Variants in COL24A1 observed in about 807,000 individuals in gnomAD.
COL24A1 encodes collagen alpha-1(XXIV) chain.
Under a neutral mutation model 253.9 loss-of-function variants are expected in COL24A1, and 224 were observed. The ratio of observed to expected loss-of-function variants is 0.88; its 90% CI spans 0.79 to 0.99. The LOEUF is 0.99. Among genes scored for constraint, COL24A1 ranks in the 50% least tolerant of loss-of-function variants. COL24A1 has a pLI of 0.00. For missense variants in COL24A1, 2,131 were observed against 2,068.5 expected (o/e 1.03, Z -0.59); for synonymous variants, 685 against 673.7 (o/e 1.02, Z -0.26).
At chr1:86,000,166 A>G (rs2101045240) in intron 19 of COL24A1, among the ~76,000 whole-genome samples, 1 of 152,256 alleles carries the variant, frequency 6.6e-6, no homozygotes, top group African/African-American at 2.4e-5. Context: ...TCATTTCTGT[A>G]AACCCTTCCA....
At chr1:86,108,631 A>G (rs1258392721) in intron 5 of COL24A1, among the ~76,000 whole-genome samples, 6 of 143,964 alleles carry the variant, frequency 4.2e-5, no homozygotes, top group African/African-American at 1.5e-4. Context: ...AAAAAAAAAA[A>G]AAAAAAAAAA....
At chr1:85,927,674 G>A (rs1216677809) in intron 24 of COL24A1, among the ~76,000 whole-genome samples, 4 of 56,024 alleles carry the variant, frequency 7.1e-5, no homozygotes, top group African/African-American at 2.9e-4. Flanking sequence ...GCAGACTTAA[G>A]TGTCCCTGTC....
chr1:86,134,101 TA>T (rs1404617954), intron 2 of COL24A1, among the ~76,000 whole-genome samples: 51 of 152,192 alleles, frequency 3.4e-4, no homozygotes, highest in African/African-American at 1.1e-3. Flanking sequence ...TTGAGGAATT[TA>T]TCCATTTCTT....
At position 85,823,564 on chromosome 1, in the gene COL24A1, T is replaced by C; in HGVS notation, c.3761A>G (p.Gln1254Arg). 6.2e-7 allele frequency: 1 copy of C among 1,614,034 alleles called. No individual in the cohort carries two copies. ...AGATCCTCTCTCTCCTTTTAGTCCT[T>C]GTTCACCCTGGTCACCTGGTTCGCC... ...PPGEPGDQGE[Q>R]GLKGERGSEG... is the part of the protein sequence containing the mutation. Residue 1254 changes from glutamine to arginine, a missense_variant, in exon 45 of 60, where the codon CAA becomes CGA. Coordinates refer to ENST00000370571, the MANE Select transcript of COL24A1 (RefSeq NM_152890.7).
chr1:85,863,388 T>G (rs527549355), intron 37 of COL24A1, among the ~76,000 whole-genome samples: 6 of 152,280 alleles, frequency 3.9e-5, no homozygotes, highest in Non-Finnish European at 8.8e-5. Context: ...TATCCTTGTC[T>G]TGTGCCAGTT....
intron 47 of COL24A1, among the ~76,000 whole-genome samples, chr1:85,799,243 G>GAAAGAAAGAAAGAAAGAAAGA (rs1553180021): frequency 1.5e-5 from 2 of 137,234 alleles, no homozygotes; most frequent in Non-Finnish European, 3.3e-5. Flanking sequence ...AAGAAAGAAA[G>GAAAGAAAGAAAGAAAGAAAGA]AAAGAAAAGA....
chr1:85,970,142 G>A (rs1691994519), intron 22 of COL24A1, 85 bp downstream of exon 22: 5 of 1,230,048 alleles, frequency 4.1e-6, no homozygotes, highest in Non-Finnish European at 3.4e-6. Flanking sequence ...TTACTATAAT[G>A]TAAAATGTTA....
At chr1:85,813,686 G>T (rs1672794245) in intron 47 of COL24A1, among the ~76,000 whole-genome samples, 1 of 148,760 alleles carries the variant, frequency 6.7e-6, no homozygotes, top group South Asian at 2.1e-4. Flanking sequence ...AAGTAGCTGG[G>T]ACGACAGGCG....
At chr1:85,999,843 G>T (rs953493409) in intron 19 of COL24A1, among the ~76,000 whole-genome samples, 1 of 152,016 alleles carries the variant, frequency 6.6e-6, no homozygotes, top group South Asian at 2.1e-4. Flanking sequence ...AGATGAGAGG[G>T]GGGTCTCATA....
intron 24 of COL24A1, among the ~76,000 whole-genome samples, chr1:85,916,057 TA>T (rs1375873674): frequency 2.0e-5 from 3 of 152,176 alleles, no homozygotes; most frequent in Non-Finnish European, 4.4e-5. Context: ...CTGAACTAGG[TA>T]AAAACATTTA....
intron 5 of COL24A1, among the ~76,000 whole-genome samples, chr1:86,102,104 G>T: frequency 6.6e-6 from 1 of 151,754 alleles, no homozygotes. Flanking sequence ...ATTTCTTCTG[G>T]GTTCATTCTT....
At chr1:86,155,966 C>T (rs2102487345) in intron 1 of COL24A1, 1 of 198,700 alleles carries the variant, frequency 5.0e-6, no homozygotes, top group Non-Finnish European at 1.0e-5. Context: ...CTCGACAGGG[C>T]CCTGCGGGAG....
Position 86,063,361 on chromosome 1 carries a change from G to C in COL24A1, c.1752+354C>G, listed in dbSNP as rs181655635. On this transcript the variant is annotated intron_variant, in intron 8 of 59. Transcript: ENST00000370571. ...CAAAAAAAATTAAGTCTCTCTCTCTGTGTGTGTGTGTGTGTGTGTGTTTGT... is the reference window on the plus strand; with the variant it reads ...CAAAAAAAATTAAGTCTCTCTCTCTCTGTGTGTGTGTGTGTGTGTGTTTGT... Among the ~76,000 whole-genome samples, 869 of 148,370 alleles carry C rather than the reference G, an allele frequency of 5.9e-3. 11 individuals carry two copies. Among genetic ancestry groups the C allele is most frequent in the African/African-American group, 0.019 (781 of 40,268 alleles).
chr1:86,116,144 T>C (rs1000171255), intron 3 of COL24A1, among the ~76,000 whole-genome samples: 4 of 149,084 alleles, frequency 2.7e-5, no homozygotes, highest in Non-Finnish European at 4.5e-5. Context: ...TGAACACATA[T>C]TCATTCATTC....
intron 10 of COL24A1, 35 bp downstream of exon 10, chr1:86,057,896 G>C (rs759554543): frequency 1.9e-6 from 3 of 1,588,802 alleles, no homozygotes; most frequent in South Asian, 1.1e-5. Context: ...TTTTAGGCAA[G>C]CATGCTTAAC....
At chr1:85,733,904 T>C (rs548883178) in intron 59 of COL24A1, among the ~76,000 whole-genome samples, 89 of 132,118 alleles carry the variant, frequency 6.7e-4, no homozygotes, top group Middle Eastern at 8.9e-3. Context: ...TAATTTAATT[T>C]AATTTTTTTT....
chr1:85,831,577 A>T (rs1675289032), intron 43 of COL24A1, among the ~76,000 whole-genome samples: 1 of 152,132 alleles, frequency 6.6e-6, no homozygotes. Context: ...AGAAAATGTT[A>T]TTACAAAATT....
In COL24A1 at chr1:86,125,092, T is replaced by G. The variant is rs765811251; in HGVS notation, c.1244A>C (p.Asn415Thr). The G allele has an allele frequency of 6.2e-7, 1 of 1,613,294 alleles. No homozygotes were observed. Among genetic ancestry groups the G allele is most frequent in the Non-Finnish European group, 8.5e-7 (1 of 1,179,692 alleles). Residue 415 changes from asparagine to threonine, a missense_variant, in exon 3 of 60, where the codon AAT becomes ACT. Physicochemically the swap from Asn to Thr is moderately conservative, Grantham distance 65 (BLOSUM62 0). Transcript: ENST00000370571. ...ITNLKKAITANLHTNELMEMQ... is the reference protein window; with the variant it reads ...ITNLKKAITATLHTNELMEMQ... Reference sequence around the variant, plus strand: ...TTCCATGAGTTCGTTAGTGTGTAGATTTGCTGTGATAGCCTTCTTGAGATT... The same window carrying G: ...TTCCATGAGTTCGTTAGTGTGTAGAGTTGCTGTGATAGCCTTCTTGAGATT...
chr1:85,808,504 G>T (rs1672210250), intron 47 of COL24A1, among the ~76,000 whole-genome samples: 2 of 152,142 alleles, frequency 1.3e-5, no homozygotes, highest in African/African-American at 2.4e-5. Flanking sequence ...CCTTCATGTG[G>T]CAGGAAAAGC....
Sources: gnomAD v4.1 joint callset for allele counts (sites outside exome capture counted in the v4.1 genomes callset) on GRCh38, gnomAD v4.1.1 for gene constraint, MANE v1.5 for transcripts, NCBI Gene and HGNC (gene_info 2026-07-23, HGNC 2026-07-21) for gene names.